NCAPD2: variants seen among roughly 807,000 people sequenced by gnomAD.
The protein encoded by NCAPD2 is condensin complex subunit 1.
A neutral mutation model predicts 164.5 loss-of-function variants in NCAPD2; 100 were observed. The ratio of observed to expected loss-of-function variants is 0.61; its 90% CI spans 0.52 to 0.72. The LOEUF is 0.72. Ranked by LOEUF, NCAPD2 falls within the 30% of genes least tolerant of loss-of-function variation. NCAPD2 has a pLI of 0.00. For synonymous variants in NCAPD2, 585 were observed against 642.6 expected, an observed-to-expected ratio of 0.91 and a Z score of 1.36; for missense variants, 1,560 against 1,749.2, an observed-to-expected ratio of 0.89 and a Z score of 1.93.
At chr12:6,504,114 C>G (rs1279195661) in intron 2 of NCAPD2, among the ~76,000 whole-genome samples, 3 of 150,346 alleles carry the variant, frequency 2.0e-5, no homozygotes, top group Non-Finnish European at 4.4e-5. Context: ...TCAAACCATA[C>G]AGCGTGCTAA....
At chr12:6,498,735 G>A (rs758757276) in intron 2 of NCAPD2, among the ~76,000 whole-genome samples, 7 of 151,828 alleles carry the variant, frequency 4.6e-5, no homozygotes, top group Non-Finnish European at 1.0e-4. Flanking sequence ...AGCCTCCTGA[G>A]TAGCCGGAAC....
intron 22 of NCAPD2, 24 bp downstream of exon 22, chr12:6,527,087 C>A (rs778853571): frequency 6.3e-7 from 1 of 1,582,938 alleles, no homozygotes; most frequent in Non-Finnish European, 8.6e-7. Flanking sequence ...CTCAGCACTT[C>A]CCAGATTTAT....
At chr12:6,524,953 C>T (rs905787868) in intron 17 of NCAPD2, among the ~76,000 whole-genome samples, 8 of 152,134 alleles carry the variant, frequency 5.3e-5, no homozygotes, top group African/African-American at 1.9e-4. Context: ...AAAAGCCCTA[C>T]AAGAGGCAGG....
intron 2 of NCAPD2, among the ~76,000 whole-genome samples, chr12:6,508,309 C>G (rs1946115382): frequency 1.3e-5 from 2 of 151,916 alleles, no homozygotes; most frequent in Non-Finnish European, 2.9e-5. Flanking sequence ...GCATTCTGGC[C>G]TGGGCAACAA....
rs1422343295 is a variant in NCAPD2 at position 6,531,632 on chromosome 12, C to G, written c.*220C>G. On this transcript the variant is annotated 3_prime_UTR_variant, in exon 32 of 32. Transcript: ENST00000315579. The surrounding 1 kb of genome is among the most constrained non-coding windows in gnomAD (Gnocchi z 4.1). Reference sequence around the variant, plus strand: ...ACCAGCCTGACCAACATGGAGAAACCCCATCTCTACTAAAAATAAAAAATT... The same window carrying G: ...ACCAGCCTGACCAACATGGAGAAACGCCATCTCTACTAAAAATAAAAAATT... 1 of 775,704 alleles carries G rather than the reference C, an allele frequency of 1.3e-6. No individual in the cohort carries two copies. The highest frequency in any genetic ancestry group is 2.0e-6 in the Non-Finnish European group (1 of 507,610). The allele number at this position is 775,704 out of a possible 1,614,324, so 48.1% of individuals were successfully genotyped here.
chr12:6,523,395 G>GTTGTTTT, intron 17 of NCAPD2, 49 bp downstream of exon 17: 2 of 864,492 alleles, frequency 2.3e-6, no homozygotes, highest in Non-Finnish European at 3.2e-6. Flanking sequence ...AAGTATTTTG[G>GTTGTTTT]TTGTTTTTTT....
Position 6,529,383 on chromosome 12 carries a change from G to T in NCAPD2, c.3573-130G>T, listed in dbSNP as rs73259185. 2,726 of 829,306 alleles carry T rather than the reference G, an allele frequency of 3.3e-3. 52 individuals carry two copies. The African/African-American group carries it at 0.038, about 11-fold the overall frequency. The allele number at this position is 829,306 out of a possible 1,614,324, so 51.4% of individuals were successfully genotyped here. A position where few individuals can be genotyped will look rare whatever the true frequency, so the allele number is the denominator to read the frequency against. On this transcript the variant is annotated intron_variant, in intron 27 of 31. Transcript: ENST00000315579. ...TGAATGGGACAGGGCAAGGGGAGTG[G>T]TGAGGCAGACAGGGGCCGTGGCAGA...
intron 18 of NCAPD2, 55 bp from the exon 19 acceptor site, chr12:6,526,013 C>T (rs1031021527): frequency 1.9e-6 from 3 of 1,595,422 alleles, no homozygotes; most frequent in African/African-American, 2.7e-5. Flanking sequence ...GGCCCTTTCT[C>T]CCCCGATGAG....
intron 2 of NCAPD2, among the ~76,000 whole-genome samples, chr12:6,508,142 G>A (rs1946113644): frequency 6.6e-6 from 1 of 152,132 alleles, no homozygotes; most frequent in Admixed American, 6.6e-5. Flanking sequence ...CTAACATGGT[G>A]CAACCCCGTC....
At position 6,526,322 on chromosome 12, in the gene NCAPD2, G is replaced by GCCT. The variant is rs1379188589; in HGVS notation, c.2519_2521dup (p.Pro840dup). 6.2e-7 allele frequency: 1 copy of GCCT among 1,614,026 alleles called. No homozygotes were observed. The highest frequency in any genetic ancestry group is 8.5e-7 in the Non-Finnish European group (1 of 1,180,028). On this transcript the variant is annotated inframe_insertion, in exon 20 of 32. Coordinates refer to ENST00000315579, the MANE Select transcript of NCAPD2 (RefSeq NM_014865.4). ...GCAAACGTCACCCCCCCTTCCGGCTGCCTCAGGAACACAGGTTGTTTGAGC... is the reference window on the plus strand; with the variant it reads ...GCAAACGTCACCCCCCCTTCCGGCTGCCTCCTCAGGAACACAGGTTGTTTGAGC...
At chr12:6,510,582 T>C (rs1388722600) in intron 4 of NCAPD2, 47 bp from the exon 5 acceptor site, 2 of 1,601,980 alleles carry the variant, frequency 1.2e-6, no homozygotes, top group African/African-American at 1.3e-5. Context: ...AGTTGGGGTA[T>C]ATGAAAGAAG....
rs745498386 is a variant in NCAPD2 at position 6,523,305 on chromosome 12, G to C, written c.2173G>C (p.Val725Leu). The C allele has an allele frequency of 1.2e-6, 2 of 1,614,130 alleles. No homozygotes were observed. The highest frequency in any genetic ancestry group is 1.7e-6 in the Non-Finnish European group (2 of 1,180,026). Residue 725 changes from valine to leucine, a missense_variant, in exon 17 of 32, where the codon GTG (valine) becomes CTG (leucine). Physicochemically the swap from Val to Leu is conservative, Grantham distance 32. Transcript: ENST00000315579. ...ALIQNLSLLL[V>L]DASVGTIQCL... is the part of the protein sequence containing the mutation. ...GATTCAGAATCTCTCTCTGCTGCTA[G>C]TGGATGCCTCGGTTGGGACCATTCA...
Position 6,510,690 on chromosome 12 carries a change from A to C in NCAPD2, c.324A>C (p.Ser108=). The C allele has an allele frequency of 6.2e-7, 1 of 1,614,188 alleles. No individual in the cohort carries two copies. Among genetic ancestry groups the C allele is most frequent in the Middle Eastern group, 1.6e-4 (1 of 6,062 alleles). Residue 108 remains serine, a synonymous_variant, in exon 5 of 32, where the codon TCA becomes TCC. Coordinates refer to ENST00000315579, the MANE Select transcript of NCAPD2 (RefSeq NM_014865.4). ...TGGATGATACAACTTTGAGTGGATC[A>C]GATAGAAACGCCCATCTAAATGCCC... The part of the protein sequence containing the change: ...AILDDTTLSG[S]DRNAHLNALK...
At chr12:6,522,344 T>C (rs187026236) in intron 15 of NCAPD2, among the ~76,000 whole-genome samples, 1 of 152,144 alleles carries the variant, frequency 6.6e-6, no homozygotes, top group East Asian at 1.9e-4. Flanking sequence ...CCTACAAAAC[T>C]GGGAGGCCAA....
At chr12:6,513,736 G>GCA (rs1946173492) in intron 6 of NCAPD2, among the ~76,000 whole-genome samples, 2 of 25,348 alleles carry the variant, frequency 7.9e-5, no homozygotes, top group African/African-American at 5.6e-4. Flanking sequence ...TTTTTTTTGT[G>GCA]ATGGAGTCTC....
rs375293979 is a variant in NCAPD2, at chr12:6,519,954, T to C, written c.1590-1032T>C. ...CTTGGGAGCCCAAAGCTGGTGGATC[T>C]CTTGAGGCCAGGAGTTTGAGGCCAG... On this transcript the variant is annotated intron_variant, in intron 13 of 31. Coordinates refer to ENST00000315579, the MANE Select transcript of NCAPD2 (RefSeq NM_014865.4). Among the ~76,000 whole-genome samples the C allele has an allele frequency of 1.8e-3, 266 of 151,482 alleles. 7 individuals carry two copies. In the South Asian group the frequency reaches 0.039, roughly 22 times the overall value.
chr12:6,523,558 C>T (rs748203445), intron 17 of NCAPD2, among the ~76,000 whole-genome samples: 1 of 151,996 alleles, frequency 6.6e-6, no homozygotes, highest in Non-Finnish European at 1.5e-5. Flanking sequence ...CCACCATGCC[C>T]GACTAGTTTT....
chr12:6,516,913 C>T lies in NCAPD2; in HGVS notation c.1073C>T (p.Ala358Val). The stretch of plus-strand genomic sequence containing the variant: ...AGTGGCGATCAACTGGAAGCAGCAG[C>T]CCGAGACACCAGAGACCAGTTCTTG... ...VLSGDQLEAA[A>V]RDTRDQFLDT... Residue 358 changes from alanine (A) to valine (V), a missense_variant, in exon 10 of 32, where the codon GCC becomes GTC. Transcript: ENST00000315579. The T allele has an allele frequency of 1.2e-6, 2 of 1,614,146 alleles. No individual in the cohort carries two copies. The highest frequency in any genetic ancestry group is 1.7e-6 in the Non-Finnish European group (2 of 1,180,020).
At chr12:6,511,319 CG>C in intron 6 of NCAPD2, 67 bp downstream of exon 6, 2 of 1,540,846 alleles carry the variant, frequency 1.3e-6, no homozygotes, top group East Asian at 4.6e-5. Context: ...ATAGATATGC[CG>C]TTTTTTTGGT....
Sources: gnomAD v4.1 joint callset for allele counts (sites outside exome capture counted in the v4.1 genomes callset) on GRCh38, gnomAD v4.1.1 for gene constraint, Gnocchi (gnomAD v3.1) non-coding constraint, MANE v1.5 for transcripts, NCBI Gene and HGNC (gene_info 2026-07-23, HGNC 2026-07-21) for gene names.